Variants in CORIN observed in about 807,000 individuals in gnomAD.
CORIN encodes atrial natriuretic peptide-converting enzyme.
CORIN carries 117 observed loss-of-function variants against 125.3 expected under a neutral mutation model. The observed-to-expected ratio is 0.93, with a 90% CI of 0.80 to 1.09. CORIN has a LOEUF of 1.09. Among genes scored for constraint, CORIN ranks in the 50% least tolerant of loss-of-function variants. The probability of loss-of-function intolerance (pLI) is 0.00; values close to 1 mark genes in which losing one functional copy is unlikely to be tolerated. For synonymous variants in CORIN, 450 were observed against 466.4 expected, an observed-to-expected ratio of 0.96 and a Z score of 0.45; for missense variants, 1,253 against 1,306.7, an observed-to-expected ratio of 0.96 and a Z score of 0.63.
intron 3 of CORIN, among the ~76,000 whole-genome samples, chr4:47,786,264 GTGGCTC>G (rs1243919866): frequency 6.6e-6 from 1 of 152,006 alleles, no homozygotes; most frequent in African/African-American, 2.4e-5. Flanking sequence ...GCAGGGCGCG[GTGGCTC>G]ACGCCTGTAA....
chr4:47,764,045 T>C (rs145801436), intron 3 of CORIN, among the ~76,000 whole-genome samples: 45 of 152,314 alleles, frequency 3.0e-4, no homozygotes, highest in African/African-American at 7.0e-4. Flanking sequence ...TTTTAAAAGA[T>C]AGAAATCATC....
At chr4:47,747,678 G>T (rs989249298) in intron 4 of CORIN, among the ~76,000 whole-genome samples, 3 of 152,028 alleles carry the variant, frequency 2.0e-5, no homozygotes, top group African/African-American at 4.8e-5. Flanking sequence ...TCTTACGGTG[G>T]TCATTTTTCT....
intron 5 of CORIN, among the ~76,000 whole-genome samples, 193 bp from the exon 6 acceptor site, chr4:47,693,276 CAA>C (rs756288854): frequency 3.3e-5 from 5 of 152,156 alleles, no homozygotes; most frequent in African/African-American, 7.2e-5. Flanking sequence ...GGAAATAATA[CAA>C]AGAGTGATTG....
chr4:47,787,801 T>C (rs1030568241), intron 2 of CORIN, among the ~76,000 whole-genome samples: 2 of 152,210 alleles, frequency 1.3e-5, no homozygotes, highest in East Asian at 3.9e-4. Flanking sequence ...TTCCACACTT[T>C]CCCCGAGTCC....
intron 1 of CORIN, among the ~76,000 whole-genome samples, chr4:47,836,811 C>T (rs1444943585): frequency 1.3e-5 from 2 of 152,210 alleles, no homozygotes; most frequent in Admixed American, 6.5e-5. Context: ...GAGGCGCCTG[C>T]CACGGGAGCT....
chr4:47,799,294 C>T (rs1731431711), intron 2 of CORIN, among the ~76,000 whole-genome samples: 1 of 151,992 alleles, frequency 6.6e-6, no homozygotes, highest in South Asian at 2.1e-4. Context: ...GGCTATATCC[C>T]CAGTGATGAG....
chr4:47,654,095 GAACC>G (rs974858051), intron 12 of CORIN, among the ~76,000 whole-genome samples: 12 of 152,158 alleles, frequency 7.9e-5, no homozygotes, highest in African/African-American at 2.7e-4. Flanking sequence ...TTACTTGAAG[GAACC>G]AAGGTTTGAT....
At chr4:47,657,862 C>A (rs1213424736) in intron 12 of CORIN, among the ~76,000 whole-genome samples, 1 of 152,174 alleles carries the variant, frequency 6.6e-6, no homozygotes, top group African/African-American at 2.4e-5. Flanking sequence ...ACCTCCAACA[C>A]TAGGATTACA....
chr4:47,784,064 A>T (rs1403795299), intron 3 of CORIN, among the ~76,000 whole-genome samples: 1 of 152,152 alleles, frequency 6.6e-6, no homozygotes, highest in Non-Finnish European at 1.5e-5. Flanking sequence ...GGATACATCA[A>T]CTAATTTCTC....
chr4:47,800,519 G>T (rs545035801), intron 2 of CORIN, among the ~76,000 whole-genome samples: 1 of 152,272 alleles, frequency 6.6e-6, no homozygotes, highest in East Asian at 1.9e-4. Flanking sequence ...AGACAGATCT[G>T]TCCAGGGATA....
At chr4:47,701,948 T>C (rs111683924) in intron 5 of CORIN, among the ~76,000 whole-genome samples, 34 of 152,284 alleles carry the variant, frequency 2.2e-4, no homozygotes, top group African/African-American at 8.2e-4. Flanking sequence ...AGTAACATAA[T>C]TTCAAATTTC....
At chr4:47,665,949 T>C (rs1232572237) in intron 10 of CORIN, among the ~76,000 whole-genome samples, 1 of 152,224 alleles carries the variant, frequency 6.6e-6, no homozygotes, top group East Asian at 1.9e-4. Flanking sequence ...ATTTTAAGAA[T>C]TGTATGACTT....
intron 1 of CORIN, among the ~76,000 whole-genome samples, chr4:47,832,152 G>A (rs554782908): frequency 6.6e-6 from 1 of 152,120 alleles, no homozygotes; most frequent in South Asian, 2.1e-4. Flanking sequence ...TGTAAAACCA[G>A]GAAAATCATC....
intron 6 of CORIN, among the ~76,000 whole-genome samples, chr4:47,685,857 A>G (rs1414490207): frequency 1.3e-5 from 2 of 151,480 alleles, no homozygotes; most frequent in East Asian, 3.9e-4. Context: ...GCATATTTCA[A>G]GCAGATGAAA....
At chr4:47,742,174 A>AT (rs1336075910) in intron 5 of CORIN, among the ~76,000 whole-genome samples, 2 of 151,994 alleles carry the variant, frequency 1.3e-5, no homozygotes, top group African/African-American at 4.8e-5. Flanking sequence ...CCCATTCAGG[A>AT]TTTTTTAAAA....
intron 2 of CORIN, among the ~76,000 whole-genome samples, chr4:47,797,733 C>A (rs1053886754): frequency 9.2e-5 from 14 of 152,026 alleles, no homozygotes; most frequent in African/African-American, 2.6e-4. Flanking sequence ...AAAACAAATT[C>A]TTTACTACTA....
intron 9 of CORIN, among the ~76,000 whole-genome samples, chr4:47,675,574 A>G (rs934260791): frequency 6.6e-6 from 1 of 152,192 alleles, no homozygotes; most frequent in Non-Finnish European, 1.5e-5. Flanking sequence ...TATTAAGTGC[A>G]TGCCATGTGA....
chr4:47,596,728 C>T (rs1051277212), intron 21 of CORIN, among the ~76,000 whole-genome samples: 1 of 152,184 alleles, frequency 6.6e-6, no homozygotes, highest in Non-Finnish European at 1.5e-5. Context: ...TGGAAGGTTA[C>T]AAATACTCCT....
At chr4:47,629,978 T>G (rs1218466884) in intron 16 of CORIN, among the ~76,000 whole-genome samples, 1 of 152,034 alleles carries the variant, frequency 6.6e-6, no homozygotes, top group Non-Finnish European at 1.5e-5. Context: ...CAGAGTACAG[T>G]TCTTAAAGTG....
Sources: gnomAD v4.1 joint callset for allele counts (sites outside exome capture counted in the v4.1 genomes callset) on GRCh38, gnomAD v4.1.1 for gene constraint, MANE v1.5 for transcripts, NCBI Gene and HGNC (gene_info 2026-07-23, HGNC 2026-07-21) for gene names.